KCNN3: variants seen among roughly 807,000 people sequenced by gnomAD.
KCNN3 encodes the protein small conductance calcium-activated potassium channel protein 3.
Under a neutral mutation model 62.9 loss-of-function variants are expected in KCNN3, and 16 were observed. That is an observed-to-expected ratio of 0.25 (90% confidence interval 0.17 to 0.39). The LOEUF (loss-of-function observed/expected upper bound fraction) is 0.39. Among genes scored for constraint, KCNN3 ranks in the 10% least tolerant of loss-of-function variants. The probability of loss-of-function intolerance (pLI) is 1.00; values close to 1 mark genes in which losing one functional copy is unlikely to be tolerated. For synonymous variants in KCNN3, 370 were observed against 389.2 expected, an observed-to-expected ratio of 0.95 and a Z score of 0.58; for missense variants, 599 against 949.4, an observed-to-expected ratio of 0.63 and a Z score of 4.85.
intron 2 of KCNN3, among the ~76,000 whole-genome samples, chr1:154,803,496 A>C (rs1028015346): frequency 6.6e-6 from 1 of 152,320 alleles, no homozygotes; most frequent in Non-Finnish European, 1.5e-5. Flanking sequence ...GTCTGCCTTG[A>C]GACAGTTGTT....
At chr1:154,719,061 G>A (rs1158931123) in intron 5 of KCNN3, among the ~76,000 whole-genome samples, 1 of 152,122 alleles carries the variant, frequency 6.6e-6, no homozygotes, top group African/African-American at 2.4e-5. Context: ...ATTACAGAGG[G>A]GCTGTCGGTT....
At chr1:154,709,409 C>T (rs951838092) in intron 7 of KCNN3, among the ~76,000 whole-genome samples, 8 of 152,068 alleles carry the variant, frequency 5.3e-5, no homozygotes, top group African/African-American at 1.9e-4. Context: ...GCCAGTGACA[C>T]CCCGATCCTA....
chr1:154,869,231 T>C lies in KCNN3; in HGVS notation c.734A>G (p.His245Arg). ...GGTGCTGCTGGCGGTGGTGCCGGCA[T>C]GCTGGTGGTTGTGGGTGGCATTAGG... is the stretch of plus-strand genomic sequence containing the variant. ...HHPNATHNHQ[H>R]AGTTASSTTF... Residue 245 changes from histidine (H) to arginine (R), a missense_variant, in exon 1 of 8, where the codon CAT becomes CGT. By Grantham distance (29) the His-to-Arg change is conservative. Around this residue, in one of 7 missense-constraint regions of KCNN3, gnomAD observed 80 missense variants for 85.4 expected, o/e 0.94. Coordinates refer to ENST00000271915, the MANE Select transcript of KCNN3 (RefSeq NM_002249.6). The surrounding 1 kb of genome is among the most constrained non-coding windows in gnomAD (Gnocchi z 6.1). 6.2e-7 allele frequency: 1 copy of C among 1,613,120 alleles called. No homozygotes were observed. The highest frequency in any genetic ancestry group is 8.5e-7 in the Non-Finnish European group (1 of 1,179,574).
At chr1:154,826,066 A>G (rs200166147) in intron 1 of KCNN3, among the ~76,000 whole-genome samples, 2 of 56,722 alleles carry the variant, frequency 3.5e-5, no homozygotes, top group African/African-American at 7.8e-5. Context: ...CAAAAACAAA[A>G]ACAAAAACAA....
intron 3 of KCNN3, among the ~76,000 whole-genome samples, chr1:154,766,076 C>A (rs1648256613): frequency 6.6e-6 from 1 of 151,172 alleles, no homozygotes; most frequent in Admixed American, 6.6e-5. Context: ...TCCCTGTCGC[C>A]TCCCCACCTT....
At chr1:154,728,516 T>G (rs6678353) in intron 4 of KCNN3, among the ~76,000 whole-genome samples, 112,571 of 151,976 alleles carry the variant, frequency 0.74, 41,918 homozygotes, top group South Asian at 0.83. Flanking sequence ...GCAGCCTTCA[T>G]AAAGTGGTGG....
chr1:154,754,762 A>C (rs963065029), intron 3 of KCNN3, among the ~76,000 whole-genome samples: 3 of 152,182 alleles, frequency 2.0e-5, no homozygotes, highest in Non-Finnish European at 4.4e-5. Context: ...ACCTTTCCGG[A>C]CTTCTTTGGC....
chr1:154,829,540 G>A (rs1298637863), intron 1 of KCNN3, among the ~76,000 whole-genome samples: 3 of 152,132 alleles, frequency 2.0e-5, no homozygotes, highest in African/African-American at 4.8e-5. Flanking sequence ...GGATGCTTGA[G>A]GTGGATCCCC....
chr1:154,708,595 C>G (rs939258260), intron 7 of KCNN3, among the ~76,000 whole-genome samples: 4 of 151,996 alleles, frequency 2.6e-5, no homozygotes, highest in Non-Finnish European at 5.9e-5. Context: ...GGGCCACAAC[C>G]TCTCAGCTCA....
intron 2 of KCNN3, among the ~76,000 whole-genome samples, chr1:154,802,447 AG>A (rs1402701529): frequency 1.3e-5 from 2 of 152,184 alleles, no homozygotes; most frequent in African/African-American, 2.4e-5. Flanking sequence ...CCAGGTGTTC[AG>A]TGACCTCAGG....
chr1:154,817,043 C>A (rs1483304385), intron 2 of KCNN3, among the ~76,000 whole-genome samples: 1 of 152,168 alleles, frequency 6.6e-6, no homozygotes, highest in Non-Finnish European at 1.5e-5. Context: ...ACTCTGTCAG[C>A]CAGACAAACA....
intron 1 of KCNN3, among the ~76,000 whole-genome samples, chr1:154,866,360 G>A (rs1344398095): frequency 6.6e-6 from 1 of 152,192 alleles, no homozygotes; most frequent in Non-Finnish European, 1.5e-5. Context: ...TTGTTGAGCA[G>A]GCAGATACGT....
chr1:154,728,930 C>T (rs12402320), intron 4 of KCNN3, among the ~76,000 whole-genome samples: 40,643 of 152,040 alleles, frequency 0.27, 5,708 homozygotes, highest in Non-Finnish European at 0.3. Flanking sequence ...TCCCACCCTG[C>T]TGTGTCCATC....
intron 1 of KCNN3, among the ~76,000 whole-genome samples, chr1:154,861,508 C>A (rs1652771591): frequency 6.6e-6 from 1 of 152,162 alleles, no homozygotes; most frequent in African/African-American, 2.4e-5. Context: ...CTCATGCCTG[C>A]TCTATTCCCT....
chr1:154,725,214 C>T (rs1700436364), intron 5 of KCNN3, among the ~76,000 whole-genome samples: 1 of 152,062 alleles, frequency 6.6e-6, no homozygotes, highest in South Asian at 2.1e-4. Flanking sequence ...TTTCAATATA[C>T]TTTTATAGTT....
chr1:154,817,399 A>G (rs1218603), intron 2 of KCNN3, among the ~76,000 whole-genome samples: 112,053 of 152,214 alleles, frequency 0.74, 41,642 homozygotes, highest in African/African-American at 0.8. Context: ...AACAGTAGAT[A>G]AAGGAGAAAT....
intron 3 of KCNN3, among the ~76,000 whole-genome samples, chr1:154,753,348 T>C (rs979998153): frequency 2.6e-5 from 4 of 152,126 alleles, no homozygotes; most frequent in Admixed American, 6.5e-5. Flanking sequence ...AGGCAGTGGC[T>C]TCCCCCTAAA....
At chr1:154,856,329 C>T (rs956218142) in intron 1 of KCNN3, among the ~76,000 whole-genome samples, 1 of 152,146 alleles carries the variant, frequency 6.6e-6, no homozygotes, top group Non-Finnish European at 1.5e-5. Flanking sequence ...TCTTCACAGG[C>T]TTTCGCTTGT....
intron 2 of KCNN3, 66 bp downstream of exon 2, chr1:154,822,022 TG>T: frequency 8.2e-7 from 1 of 1,215,474 alleles, no homozygotes; most frequent in Non-Finnish European, 1.2e-6. Flanking sequence ...GGGGTGGGGA[TG>T]GGCTCGGCTC....
Sources: allele counts gnomAD v4.1 joint callset (sites outside exome capture counted in the v4.1 genomes callset), GRCh38; gene constraint gnomAD v4.1.1; regional missense constraint gnomAD v4.1.1; non-coding constraint Gnocchi (gnomAD v3.1); transcripts MANE v1.5; gene names NCBI Gene and HGNC (gene_info 2026-07-23, HGNC 2026-07-21).